Variants in PIK3C2G observed in about 807,000 individuals in gnomAD.
The protein encoded by PIK3C2G is phosphatidylinositol 3-kinase C2 domain-containing subunit gamma.
In PIK3C2G, 168 loss-of-function variants were observed where a neutral mutation model predicts 181.1. The ratio of observed to expected loss-of-function variants is 0.93; its 90% CI spans 0.82 to 1.05. PIK3C2G has a LOEUF of 1.05. PIK3C2G is among the 50% of genes least tolerant of loss of function. PIK3C2G has a pLI of 0.00. For synonymous variants in PIK3C2G, 573 were observed against 592.2 expected, an observed-to-expected ratio of 0.97 and a Z score of 0.47; for missense variants, 1,869 against 1,732.8, an observed-to-expected ratio of 1.08 and a Z score of -1.40.
chr12:18,488,557 G>T lies in PIK3C2G; in HGVS notation c.2613G>T (p.Lys871Asn). 1 of 1,589,554 alleles carries T rather than the reference G, an allele frequency of 6.3e-7. No homozygotes were observed. The highest frequency in any genetic ancestry group is 8.6e-7 in the Non-Finnish European group (1 of 1,167,356). Residue 871 changes from lysine to asparagine, a missense_variant, in exon 19 of 33, where the codon AAG (lysine) becomes AAT (asparagine). Coordinates refer to ENST00000538779, the MANE Select transcript of PIK3C2G (RefSeq NM_001288772.2). ...AAGCCTTGAATGATGAGTTTTCCAAGGAGCAGAAACTTATCAAAATTCTGG... is the reference window on the plus strand; with the variant it reads ...AAGCCTTGAATGATGAGTTTTCCAATGAGCAGAAACTTATCAAAATTCTGG... ...AGKALNDEFS[K>N]EQKLIKILGD...
the PIK3C2G span, among the ~76,000 whole-genome samples, chr12:18,673,739 A>C: frequency 6.6e-6 from 1 of 152,196 alleles, no homozygotes; most frequent in Non-Finnish European, 1.5e-5. Flanking sequence ...CTGACTTCTC[A>C]TCAGGGGAAG....
the PIK3C2G span, chr12:18,684,217 T>C: frequency 1.9e-6 from 3 of 1,611,750 alleles, no homozygotes; most frequent in East Asian, 4.5e-5. Flanking sequence ...ACAAAACGTA[T>C]CAATGCCAAT....
intron 4 of PIK3C2G, among the ~76,000 whole-genome samples, chr12:18,292,499 G>T (rs536067309): frequency 1.8e-4 from 27 of 151,940 alleles, no homozygotes; most frequent in African/African-American, 6.0e-4. Flanking sequence ...CCAGCTCCCA[G>T]TTCCTAAAAG....
the PIK3C2G span, among the ~76,000 whole-genome samples, chr12:18,706,339 C>T: frequency 1.3e-3 from 199 of 151,742 alleles, 1 homozygote; most frequent in African/African-American, 4.7e-3. Flanking sequence ...AAGTAGCATG[C>T]TATATTTTTA....
chr12:18,467,100 T>C (rs759049379), intron 18 of PIK3C2G, among the ~76,000 whole-genome samples: 1 of 152,074 alleles, frequency 6.6e-6, no homozygotes, highest in Non-Finnish European at 1.5e-5. Flanking sequence ...ATTCATAGTG[T>C]ATTAGGCTTG....
At chr12:18,473,350 T>C (rs114289237) in intron 18 of PIK3C2G, among the ~76,000 whole-genome samples, 182 of 152,344 alleles carry the variant, frequency 1.2e-3, no homozygotes, top group African/African-American at 4.3e-3. Flanking sequence ...TCCTCTCTGA[T>C]ACTGTGCAAA....
At chr12:18,625,193 G>A (rs1253414302) in intron 31 of PIK3C2G, among the ~76,000 whole-genome samples, 1 of 151,516 alleles carries the variant, frequency 6.6e-6, no homozygotes, top group African/African-American at 2.4e-5. Context: ...TGTTTTTGCT[G>A]TATCTCATGT....
intron 10 of PIK3C2G, among the ~76,000 whole-genome samples, chr12:18,345,218 T>A (rs1939554544): frequency 6.7e-6 from 1 of 148,246 alleles, no homozygotes; most frequent in African/African-American, 2.6e-5. Context: ...TTCAGCAGAA[T>A]CTCTGTTGGT....
intron 1 of PIK3C2G, among the ~76,000 whole-genome samples, chr12:18,273,880 G>A (rs1473694531): frequency 6.6e-6 from 1 of 151,932 alleles, no homozygotes; most frequent in African/African-American, 2.4e-5. Flanking sequence ...CTACAGAATG[G>A]GAGAAAATTT....
At chr12:18,575,548 A>G (rs2136395872) in intron 29 of PIK3C2G, among the ~76,000 whole-genome samples, 1 of 152,306 alleles carries the variant, frequency 6.6e-6, no homozygotes, top group South Asian at 2.1e-4. Context: ...ATATTATTTC[A>G]AGGCTGGTAG....
At chr12:18,445,260 C>T (rs568089052) in intron 18 of PIK3C2G, among the ~76,000 whole-genome samples, 23 of 152,028 alleles carry the variant, frequency 1.5e-4, no homozygotes, top group African/African-American at 5.3e-4. Flanking sequence ...CTTTAATTAA[C>T]ACAGAACCCC....
At chr12:18,297,179 C>A (rs1949976468) in intron 5 of PIK3C2G, among the ~76,000 whole-genome samples, 2 of 152,024 alleles carry the variant, frequency 1.3e-5, no homozygotes, top group African/African-American at 2.4e-5. Flanking sequence ...CAGGGAGTAA[C>A]AATTGTACCT....
chr12:18,524,636 G>A (rs1943120708), intron 24 of PIK3C2G, among the ~76,000 whole-genome samples: 1 of 151,482 alleles, frequency 6.6e-6, no homozygotes, highest in Admixed American at 6.6e-5. Flanking sequence ...CGCAATCTTG[G>A]CTCACTGCAA....
chr12:18,599,689 AAT>A (rs1031121642), intron 30 of PIK3C2G, among the ~76,000 whole-genome samples: 12 of 94,400 alleles, frequency 1.3e-4, no homozygotes, highest in African/African-American at 5.2e-4. Context: ...AATAAAAAAA[AAT>A]AAAAATAAAA....
chr12:18,369,719 CGT>C (rs1941910573), intron 12 of PIK3C2G, among the ~76,000 whole-genome samples: 1 of 77,626 alleles, frequency 1.3e-5, no homozygotes, highest in African/African-American at 5.5e-5. Context: ...ATATAACGGT[CGT>C]ATAATTGACA....
intron 5 of PIK3C2G, among the ~76,000 whole-genome samples, chr12:18,303,098 TTC>T (rs375777212): frequency 5.6e-5 from 5 of 88,648 alleles, no homozygotes; most frequent in Admixed American, 2.4e-4. Flanking sequence ...TTTCTTTTCT[TTC>T]TCTTTCTTTC....
chr12:18,508,178 C>T (rs1250311312), intron 24 of PIK3C2G, among the ~76,000 whole-genome samples: 1 of 152,184 alleles, frequency 6.6e-6, no homozygotes, highest in Non-Finnish European at 1.5e-5. Context: ...GCTCCATGAG[C>T]CATATGGATT....
intron 1 of PIK3C2G, among the ~76,000 whole-genome samples, chr12:18,278,719 T>G (rs1643118548): frequency 6.6e-6 from 1 of 152,142 alleles, no homozygotes; most frequent in Admixed American, 6.6e-5. Flanking sequence ...TTTAATTATT[T>G]TATACATTAC....
chr12:18,415,624 G>C (rs1945130446), intron 16 of PIK3C2G, among the ~76,000 whole-genome samples: 1 of 152,204 alleles, frequency 6.6e-6, no homozygotes, highest in South Asian at 2.1e-4. Context: ...AGCATAACGT[G>C]AAAGGCATGT....
Sources: gnomAD v4.1 joint callset for allele counts (sites outside exome capture counted in the v4.1 genomes callset) on GRCh38, gnomAD v4.1.1 for gene constraint, MANE v1.5 for transcripts, NCBI Gene and HGNC (gene_info 2026-07-23, HGNC 2026-07-21) for gene names.